The following SLC25A26 variants were observed in gnomAD, a reference collection of about 807,000 sequenced individuals.
SLC25A26 encodes the protein solute carrier family 25 member 26.
SLC25A26 carries 36 observed loss-of-function variants against 37.8 expected under a neutral mutation model. The observed-to-expected ratio is 0.95, with a 90% CI of 0.73 to 1.26. The LOEUF is 1.26. Ranked by LOEUF, SLC25A26 falls within the 50% of genes most tolerant of loss-of-function variation. SLC25A26 has a pLI of 0.00. For missense variants in SLC25A26, 390 were observed against 331.1 expected, an observed-to-expected ratio of 1.18 and a Z score of -1.38; for synonymous variants, 129 against 122.5, an observed-to-expected ratio of 1.05 and a Z score of -0.35.
rs562082939 is a variant in SLC25A26 at position 66,363,012 on chromosome 3, T to C, written c.568+83T>C. ...TTAACTATGCAAAAACAACATTCTTTAGACATTCCAGGTTGTTTAGATGAA... is the reference window on the plus strand; with the variant it reads ...TTAACTATGCAAAAACAACATTCTTCAGACATTCCAGGTTGTTTAGATGAA... On this transcript the variant is annotated intron_variant, in intron 7 of 9. Transcript: ENST00000354883. 7.9e-6 allele frequency: 7 copies of C among 884,572 alleles called. No homozygotes were observed. The East Asian group carries it at 1.8e-4, about 23-fold the overall frequency. 54.8% of individuals were successfully genotyped at this position (884,572 alleles called of 1,614,324 possible). A position where few individuals can be genotyped will look rare whatever the true frequency, so the allele number is the denominator to read the frequency against.
chr3:66,301,173 G>A (rs1293741317), intron 5 of SLC25A26, among the ~76,000 whole-genome samples: 1 of 152,112 alleles, frequency 6.6e-6, no homozygotes, highest in Non-Finnish European at 1.5e-5. Context: ...TTTCTTTTTA[G>A]TATTCAACTC....
chr3:66,249,396 G>C (rs946578207), intron 3 of SLC25A26, among the ~76,000 whole-genome samples: 4 of 152,204 alleles, frequency 2.6e-5, no homozygotes, highest in Admixed American at 2.0e-4. Flanking sequence ...CTTTCCCACT[G>C]GTTAAAGGAT....
chr3:66,238,405 A>G (rs1222402443), intron 2 of SLC25A26, among the ~76,000 whole-genome samples: 1 of 151,966 alleles, frequency 6.6e-6, no homozygotes, highest in African/African-American at 2.4e-5. Context: ...TTTGAGATGG[A>G]GTCTTGCTGT....
At chr3:66,244,246 G>A (rs1264408512) in intron 3 of SLC25A26, among the ~76,000 whole-genome samples, 1 of 152,182 alleles carries the variant, frequency 6.6e-6, no homozygotes, top group African/African-American at 2.4e-5. Context: ...AAAGAGACCA[G>A]TGCACAATGA....
At chr3:66,357,324 A>C (rs1479143295) in intron 6 of SLC25A26, among the ~76,000 whole-genome samples, 2 of 152,192 alleles carry the variant, frequency 1.3e-5, no homozygotes, top group Admixed American at 1.3e-4. Flanking sequence ...TGAGGCGGGA[A>C]GATCGCTTGA....
At chr3:66,303,376 C>G (rs189284273) in intron 5 of SLC25A26, among the ~76,000 whole-genome samples, 146 of 152,312 alleles carry the variant, frequency 9.6e-4, no homozygotes, top group Non-Finnish European at 1.8e-3. Context: ...GGCTGTGGCT[C>G]GTCCTCTGCT....
intron 3 of SLC25A26, among the ~76,000 whole-genome samples, chr3:66,252,693 G>A (rs527624179): frequency 2.6e-5 from 4 of 152,272 alleles, no homozygotes; most frequent in Non-Finnish European, 2.9e-5. Context: ...TGCTGAATGC[G>A]GCACGTTTTT....
chr3:66,231,935 C>G (rs1333694991), intron 1 of SLC25A26, among the ~76,000 whole-genome samples: 1 of 152,036 alleles, frequency 6.6e-6, no homozygotes, highest in Non-Finnish European at 1.5e-5. Flanking sequence ...TGCACCCAGC[C>G]TACCTTGTTG....
intron 5 of SLC25A26, among the ~76,000 whole-genome samples, chr3:66,334,753 G>A (rs1269684221): frequency 6.6e-6 from 1 of 152,064 alleles, no homozygotes; most frequent in Admixed American, 6.6e-5. Context: ...CAGGGCAAAA[G>A]CCACAGCTTT....
At chr3:66,373,245 G>A (rs115413344) in intron 9 of SLC25A26, among the ~76,000 whole-genome samples, 17 of 152,092 alleles carry the variant, frequency 1.1e-4, no homozygotes, top group Non-Finnish European at 1.9e-4. Context: ...AAGTGCTTAC[G>A]TTTGCTCTCA....
chr3:66,176,286 G>A (rs773950059), intron 1 of SLC25A26, among the ~76,000 whole-genome samples: 1 of 152,102 alleles, frequency 6.6e-6, no homozygotes, highest in African/African-American at 2.4e-5. Flanking sequence ...AAATATTCTG[G>A]TGTCTTCCAT....
At chr3:66,314,838 T>C (rs1250964373) in intron 5 of SLC25A26, among the ~76,000 whole-genome samples, 1 of 152,044 alleles carries the variant, frequency 6.6e-6, no homozygotes, top group Non-Finnish European at 1.5e-5. Context: ...CAATTCCTTT[T>C]GGTTCATTCT....
At chr3:66,281,471 T>C (rs1422016135) in intron 5 of SLC25A26, among the ~76,000 whole-genome samples, 1 of 152,192 alleles carries the variant, frequency 6.6e-6, no homozygotes, top group Non-Finnish European at 1.5e-5. Flanking sequence ...ATACTGTCAT[T>C]TTTCTATGAA....
intron 3 of SLC25A26, among the ~76,000 whole-genome samples, chr3:66,257,831 T>C (rs976118794): frequency 1.1e-4 from 17 of 152,112 alleles, no homozygotes; most frequent in Non-Finnish European, 2.5e-4. Context: ...CCTTATGAAT[T>C]GACCGTAATG....
chr3:66,188,435 A>C (rs1189704425), intron 1 of SLC25A26, among the ~76,000 whole-genome samples: 1 of 152,112 alleles, frequency 6.6e-6, no homozygotes, highest in African/African-American at 2.4e-5. Flanking sequence ...GAGTATGCAG[A>C]GGGAAGGAGG....
At chr3:66,357,730 T>C (rs1350527495) in intron 6 of SLC25A26, among the ~76,000 whole-genome samples, 1 of 152,156 alleles carries the variant, frequency 6.6e-6, no homozygotes, top group Admixed American at 6.5e-5. Context: ...AAAAAAACTT[T>C]TGTAAACCCA....
At chr3:66,302,733 T>G (rs2075112042) in intron 5 of SLC25A26, among the ~76,000 whole-genome samples, 1 of 152,180 alleles carries the variant, frequency 6.6e-6, no homozygotes, top group South Asian at 2.1e-4. Flanking sequence ...TGCTTGTGTA[T>G]TAGAGCTAGA....
At chr3:66,328,544 C>G (rs1229721873) in intron 5 of SLC25A26, among the ~76,000 whole-genome samples, 1 of 152,134 alleles carries the variant, frequency 6.6e-6, no homozygotes, top group East Asian at 1.9e-4. Context: ...GTCAGGTGAT[C>G]CACTTCTGTT....
At chr3:66,282,253 C>T (rs1357119308) in intron 5 of SLC25A26, among the ~76,000 whole-genome samples, 2 of 152,018 alleles carry the variant, frequency 1.3e-5, no homozygotes, top group East Asian at 1.9e-4. Context: ...CCTCATGATC[C>T]ACCCGCCTCG....
Sources: allele counts gnomAD v4.1 joint callset (sites outside exome capture counted in the v4.1 genomes callset), GRCh38; gene constraint gnomAD v4.1.1; transcripts MANE v1.5; gene names NCBI Gene and HGNC (gene_info 2026-07-23, HGNC 2026-07-21).